TMEM126B: variants seen among roughly 807,000 people sequenced by gnomAD.
TMEM126B encodes the protein transmembrane protein 126B.
In TMEM126B, 19 loss-of-function variants were observed where a neutral mutation model predicts 16.5. The ratio of observed to expected loss-of-function variants is 1.15; its 90% CI spans 0.80 to 1.69. The LOEUF (loss-of-function observed/expected upper bound fraction) is 1.69, where lower values mean the gene tolerates loss of function less well. Ranked by LOEUF, TMEM126B falls within the 40% of genes most tolerant of loss-of-function variation. The pLI is 0.00. For missense variants in TMEM126B, 293 were observed against 278.7 expected, an observed-to-expected ratio of 1.05 and a Z score of -0.37; for synonymous variants, 104 against 93.2, an observed-to-expected ratio of 1.12 and a Z score of -0.67.
At chr11:85,635,822 T>TTTTTTTTTTTTTTTTTTTTTTTTTC (rs1491160299) in intron 4 of TMEM126B, 44 bp downstream of exon 4, 2 of 198,740 alleles carry the variant, frequency 1.0e-5, no homozygotes, top group Non-Finnish European at 1.7e-5. Flanking sequence ...TTTTCTTTTC[T>TTTTTTTTTTTTTTTTTTTTTTTTTC]TTTTTTTTTT....
chr11:85,635,999 A>G, intron 4 of TMEM126B, 47 bp from the exon 5 acceptor site: 1 of 1,512,118 alleles, frequency 6.6e-7, no homozygotes, highest in East Asian at 2.3e-5. Context: ...CAAACTTCTA[A>G]TAGCATTCAT....
Position 85,633,326 on chromosome 11 carries a change from G to A in TMEM126B, c.204-760G>A, listed in dbSNP as rs568029801. On this transcript the variant is annotated intron_variant, in intron 2 of 4. Coordinates refer to ENST00000358867, the MANE Select transcript of TMEM126B (RefSeq NM_018480.7). ...CCTTTGGGTATATACCCAGTAATGGGATGGCTGGGTCAAATGGTATTTCTA... is the reference window on the plus strand; with the variant it reads ...CCTTTGGGTATATACCCAGTAATGGAATGGCTGGGTCAAATGGTATTTCTA... Among the ~76,000 whole-genome samples the A allele has an allele frequency of 8.9e-4, 135 of 152,292 alleles. 1 individual carries two copies. Among genetic ancestry groups the A allele is most frequent in the African/African-American group, 3.1e-3 (128 of 41,558 alleles).
At chr11:85,629,204 G>A (rs2082189326) in intron 1 of TMEM126B, 1 of 1,288,784 alleles carries the variant, frequency 7.8e-7, no homozygotes, top group African/African-American at 1.5e-5. Flanking sequence ...TTACCCGGAG[G>A]TCTGGCATAT....
At chr11:85,632,359 T>G (rs1047490159) in intron 2 of TMEM126B, among the ~76,000 whole-genome samples, 6 of 152,324 alleles carry the variant, frequency 3.9e-5, no homozygotes, top group African/African-American at 1.2e-4. Context: ...TTCTCCTGCC[T>G]CAGCCTCCCA....
At chr11:85,631,391 T>C in intron 1 of TMEM126B, 2 of 1,072,044 alleles carry the variant, frequency 1.9e-6, no homozygotes, top group Non-Finnish European at 2.4e-6. Context: ...TGTATAGAAA[T>C]AATCATTATA....
chr11:85,629,052 C>T lies in TMEM126B; in HGVS notation c.81+364C>T, dbSNP rs571277426. On this transcript the variant is annotated intron_variant, in intron 1 of 4. Transcript: ENST00000358867. Reference sequence around the variant, plus strand: ...TCCGGGAAGCCTTCCCACGCTTCCTCTGGCTAGATTGTTTGCTTTTTCTTA... The same window carrying T: ...TCCGGGAAGCCTTCCCACGCTTCCTTTGGCTAGATTGTTTGCTTTTTCTTA... 117 of 493,020 alleles carry T rather than the reference C, an allele frequency of 2.4e-4. 1 individual carries two copies. Among genetic ancestry groups the T allele is most frequent in the Middle Eastern group, 1.6e-3 (5 of 3,184 alleles). 30.5% of individuals were successfully genotyped at this position (493,020 alleles called of 1,614,324 possible).
At position 85,636,240 on chromosome 11, in the gene TMEM126B, G is replaced by A. The variant is rs117206669; in HGVS notation, c.*11G>A. On this transcript the variant is annotated 3_prime_UTR_variant, in exon 5 of 5. Transcript: ENST00000358867. ...ATACATGAAGAGTAACCAAAAAAATGAATGGTTGCTAACTTAGCAAAATGA... is the reference window on the plus strand; with the variant it reads ...ATACATGAAGAGTAACCAAAAAAATAAATGGTTGCTAACTTAGCAAAATGA... 9.6e-6 allele frequency: 14 copies of A among 1,461,884 alleles called. No homozygotes were observed. The East Asian group carries it at 2.9e-4, about 31-fold the overall frequency. 90.6% of individuals were successfully genotyped at this position (1,461,884 alleles called of 1,614,324 possible). A position where few individuals can be genotyped will look rare whatever the true frequency, so the allele number is the denominator to read the frequency against.
chr11:85,632,589 T>C (rs1234800522), intron 2 of TMEM126B, among the ~76,000 whole-genome samples: 1 of 151,446 alleles, frequency 6.6e-6, no homozygotes, highest in African/African-American at 2.5e-5. Context: ...TTATAAATCT[T>C]GGACAAATTA....
At chr11:85,633,352 G>C (rs1045106301) in intron 2 of TMEM126B, among the ~76,000 whole-genome samples, 1 of 152,154 alleles carries the variant, frequency 6.6e-6, no homozygotes. Flanking sequence ...GGTATTTCTA[G>C]TTCTAGATCC....
At chr11:85,631,664 G>A in intron 1 of TMEM126B, 23 bp from the exon 2 acceptor site, 1 of 1,592,616 alleles carries the variant, frequency 6.3e-7, no homozygotes, top group Non-Finnish European at 8.5e-7. Flanking sequence ...TAGCTATTAT[G>A]GCTCTGGAAT....
chr11:85,631,207 C>T, intron 1 of TMEM126B: 1 of 1,290,078 alleles, frequency 7.8e-7, no homozygotes, highest in Non-Finnish European at 1.0e-6. Context: ...ATAGAGATGT[C>T]AATAAGCAGC....
intron 2 of TMEM126B, among the ~76,000 whole-genome samples, chr11:85,633,210 C>CAT (rs1355578147): frequency 5.3e-5 from 8 of 152,126 alleles, no homozygotes; most frequent in African/African-American, 1.7e-4. Context: ...CATTGCTGGA[C>CAT]ATTTGGGTTG....
intron 1 of TMEM126B, among the ~76,000 whole-genome samples, chr11:85,630,259 C>G (rs2082264706): frequency 6.6e-6 from 1 of 152,192 alleles, no homozygotes; most frequent in African/African-American, 2.4e-5. Flanking sequence ...CTTGTGCATG[C>G]TGAAGGTTGA....
At chr11:85,631,218 CA>C in intron 1 of TMEM126B, 3 of 1,289,816 alleles carry the variant, frequency 2.3e-6, no homozygotes, top group Non-Finnish European at 2.0e-6. Context: ...AATAAGCAGC[CA>C]CTGTTTCCAC....
At chr11:85,629,110 C>T in intron 1 of TMEM126B, 3 of 712,600 alleles carry the variant, frequency 4.2e-6, no homozygotes, top group Non-Finnish European at 6.5e-6. Context: ...GTCACTCTCT[C>T]ATTCTGTGTT....
intron 3 of TMEM126B, 122 bp from the exon 4 acceptor site, chr11:85,635,545 A>C (rs1030054283): frequency 8.2e-6 from 5 of 606,176 alleles, no homozygotes; most frequent in Non-Finnish European, 1.4e-5. Flanking sequence ...TTGAATTTCT[A>C]ATATTCTTTC....
Position 85,635,732 on chromosome 11 carries a change from T to A in TMEM126B, c.463T>A (p.Tyr155Asn), listed in dbSNP as rs756088017. The A allele has an allele frequency of 6.2e-7, 1 of 1,609,798 alleles. No individual in the cohort carries two copies. The highest frequency in any genetic ancestry group is 8.5e-7 in the Non-Finnish European group (1 of 1,178,906). ...GATTGGCATAGTTTGTGGTGTTTTC[T>A]ATCCCAGTTCTTTGGCTTTTACTAA... is the stretch of plus-strand genomic sequence containing the variant. ...SLIGIVCGVF[Y>N]PSSLAFTKNG... is the part of the protein sequence containing the mutation. The change falls in exon 4 of 5, where the codon TAT (tyrosine) becomes AAT (asparagine). Residue 155 changes from tyrosine to asparagine, a missense_variant. Transcript: ENST00000358867.
intron 2 of TMEM126B, among the ~76,000 whole-genome samples, chr11:85,632,869 G>GTATACA (rs1284457154): frequency 4.6e-5 from 7 of 151,890 alleles, no homozygotes; most frequent in Non-Finnish European, 8.8e-5. Context: ...AGTTACATAT[G>GTATACA]TATACATGTG....
rs370408353 is a variant in TMEM126B at position 85,634,117 on chromosome 11, G to C, written c.235G>C (p.Gly79Arg). The change falls in exon 3 of 5, where the codon GGA becomes CGA. Residue 79 changes from glycine to arginine, a missense_variant. By Grantham distance (125) the Gly-to-Arg change is moderately radical. Transcript: ENST00000358867. Reference protein sequence around the residue: ...TQNIYQMATFGTTAGFSGIFS... With the variant: ...TQNIYQMATFRTTAGFSGIFS... ...AAATATATATCAAATGGCGACATTT[G>C]GAACAACAGCTGGTTTCTCTGGAAT... 2.5e-6 allele frequency: 4 copies of C among 1,613,034 alleles called. No homozygotes were observed. The highest frequency in any genetic ancestry group is 3.4e-6 in the Non-Finnish European group (4 of 1,179,774).
Sources: allele counts gnomAD v4.1 joint callset (sites outside exome capture counted in the v4.1 genomes callset), GRCh38; gene constraint gnomAD v4.1.1; transcripts MANE v1.5; gene names NCBI Gene and HGNC (gene_info 2026-07-23, HGNC 2026-07-21).